ODR4: variants seen among roughly 807,000 people sequenced by gnomAD.
ODR4 encodes the protein odr-4 GPCR localization factor homolog.
In ODR4, 47 loss-of-function variants were observed where a neutral mutation model predicts 60.2. That is an observed-to-expected ratio of 0.78 (90% CI 0.62 to 1.00). The LOEUF is 1.00. ODR4 is among the 50% of genes least tolerant of loss of function. The pLI is 0.00. For synonymous variants in ODR4, 178 were observed against 175.5 expected (o/e 1.01, Z -0.11); for missense variants, 488 against 530.8 (o/e 0.92, Z 0.79).
At chr1:186,391,068 A>G (rs184044957) in intron 7 of ODR4, among the ~76,000 whole-genome samples, 1 of 152,320 alleles carries the variant, frequency 6.6e-6, no homozygotes, top group Non-Finnish European at 1.5e-5. Context: ...TTTAATAATA[A>G]CTAATAATTT....
intron 13 of ODR4, among the ~76,000 whole-genome samples, chr1:186,418,273 G>GTCA (rs1458969519): frequency 4.0e-5 from 6 of 149,554 alleles, no homozygotes; most frequent in Admixed American, 6.7e-5. Context: ...GACTACTATG[G>GTCA]TCATTTTCTT....
chr1:186,390,073 T>TGA (rs2102034188), intron 6 of ODR4, among the ~76,000 whole-genome samples: 1 of 152,338 alleles, frequency 6.6e-6, no homozygotes, highest in South Asian at 2.1e-4. Flanking sequence ...CCCAAAGTGC[T>TGA]GAGATTACGG....
intron 9 of ODR4, among the ~76,000 whole-genome samples, chr1:186,394,357 CAG>C (rs1380657781): frequency 6.6e-6 from 1 of 152,008 alleles, no homozygotes; most frequent in Admixed American, 6.6e-5. Context: ...GATGTGTACA[CAG>C]AGGTGCAAAG....
chr1:186,400,172 A>G (rs1339028556), intron 11 of ODR4, among the ~76,000 whole-genome samples: 2 of 150,454 alleles, frequency 1.3e-5, no homozygotes, highest in Non-Finnish European at 3.0e-5. Context: ...TTGTATTTTT[A>G]GTAGAGACGG....
chr1:186,398,470 A>G, intron 10 of ODR4, 29 bp downstream of exon 10: 2 of 1,566,734 alleles, frequency 1.3e-6, no homozygotes, highest in African/African-American at 1.4e-5. Context: ...AGCATATGGA[A>G]CCATGTTAAC....
At chr1:186,392,311 TTTA>T (rs1660499698) in intron 8 of ODR4, among the ~76,000 whole-genome samples, 1 of 152,188 alleles carries the variant, frequency 6.6e-6, no homozygotes, top group Non-Finnish European at 1.5e-5. Context: ...TATAAATTGT[TTTA>T]TTGTAAAGAC....
chr1:186,412,555 A>G (rs930130254), intron 12 of ODR4, among the ~76,000 whole-genome samples: 1 of 152,214 alleles, frequency 6.6e-6, no homozygotes, highest in Non-Finnish European at 1.5e-5. Flanking sequence ...ACACATTCCC[A>G]AATAATAGAA....
intron 12 of ODR4, among the ~76,000 whole-genome samples, chr1:186,408,056 G>T (rs1437803845): frequency 6.6e-6 from 1 of 152,000 alleles, no homozygotes; most frequent in Non-Finnish European, 1.5e-5. Flanking sequence ...TTATATATCT[G>T]CCAGGCACAG....
chr1:186,396,825 A>T (rs556942366), intron 9 of ODR4, among the ~76,000 whole-genome samples: 1 of 152,082 alleles, frequency 6.6e-6, no homozygotes, highest in Non-Finnish European at 1.5e-5. Flanking sequence ...TATGTTAAAA[A>T]TATATAAATT....
At chr1:186,430,535 A>G in the ODR4 span, among the ~76,000 whole-genome samples, 1 of 152,128 alleles carries the variant, frequency 6.6e-6, no homozygotes, top group Non-Finnish European at 1.5e-5. Flanking sequence ...CCCATGATTA[A>G]AATTCTGAAT....
At chr1:186,399,978 C>CTTT (rs1399196883) in intron 11 of ODR4, among the ~76,000 whole-genome samples, 5 of 128,518 alleles carry the variant, frequency 3.9e-5, no homozygotes, top group African/African-American at 8.5e-5. Flanking sequence ...TCTCCCCATT[C>CTTT]TTTTTTTTTT....
At chr1:186,384,653 A>G (rs1288664829) in intron 3 of ODR4, among the ~76,000 whole-genome samples, 1 of 151,952 alleles carries the variant, frequency 6.6e-6, no homozygotes, top group Non-Finnish European at 1.5e-5. Context: ...TTTTACCTCT[A>G]GAAAGAAAAG....
At position 186,398,390 on chromosome 1, in the gene ODR4, A is replaced by G. The variant is rs762703593; in HGVS notation, c.858A>G (p.Lys286=). The G allele has an allele frequency of 9.3e-5, 150 of 1,611,102 alleles. No homozygotes were observed. The highest frequency in any genetic ancestry group is 1.2e-4 in the Non-Finnish European group (140 of 1,178,390). Reference sequence around the variant, plus strand: ...CTGTAAACCTTAAGGGTGCTGTGAAATGCAGAGCTTATATCCACAGCAGTA... The same window carrying G: ...CTGTAAACCTTAAGGGTGCTGTGAAGTGCAGAGCTTATATCCACAGCAGTA... ...SGSVNLKGAV[K]CRAYIHSSKP... Residue 286 remains lysine (K), a synonymous_variant, in exon 10 of 14, where the codon AAA becomes AAG. Transcript: ENST00000287859.
chr1:186,377,141 T>C (rs1438482849), intron 1 of ODR4, among the ~76,000 whole-genome samples: 1 of 152,214 alleles, frequency 6.6e-6, no homozygotes, highest in African/African-American at 2.4e-5. Context: ...TTACTTATAA[T>C]ACCTAATACA....
At chr1:186,433,429 T>A in the ODR4 span, among the ~76,000 whole-genome samples, 1 of 152,242 alleles carries the variant, frequency 6.6e-6, no homozygotes, top group South Asian at 2.1e-4. Context: ...ATATTTGTAA[T>A]TAATTTCTAC....
rs1164956837 is a variant in ODR4 at position 186,388,522 on chromosome 1, A to C, written c.411A>C (p.Thr137=). The C allele has an allele frequency of 1.3e-6, 2 of 1,557,502 alleles. No homozygotes were observed. The highest frequency in any genetic ancestry group is 1.7e-6 in the Non-Finnish European group (2 of 1,150,544). The change falls in exon 5 of 14, where the codon ACA becomes ACC. Residue 137 remains threonine, a synonymous_variant. Transcript: ENST00000287859. ...AGGAGGAAGTCTCAGAACGAGTGAC[A>C]CTTCACATTTGTGCTTCTACAAAAA... ...FTEEEVSERV[T]LHICASTKKI...
intron 2 of ODR4, among the ~76,000 whole-genome samples, 195 bp from the exon 3 acceptor site, chr1:186,382,827 G>A (rs989173692): frequency 6.6e-6 from 1 of 152,208 alleles, no homozygotes; most frequent in East Asian, 1.9e-4. Context: ...CAACATGTGA[G>A]GGAAAGATTG....
At chr1:186,410,787 G>A (rs1049596077) in intron 12 of ODR4, among the ~76,000 whole-genome samples, 1 of 152,126 alleles carries the variant, frequency 6.6e-6, no homozygotes, top group Admixed American at 6.5e-5. Context: ...AGGCCAAGGC[G>A]GGTGGATCAC....
At chr1:186,385,247 A>G (rs542351366) in intron 3 of ODR4, among the ~76,000 whole-genome samples, 1 of 150,566 alleles carries the variant, frequency 6.6e-6, no homozygotes, top group Admixed American at 6.7e-5. Flanking sequence ...AGGTTAATCT[A>G]TGCAATAGAA....
Sources: allele counts gnomAD v4.1 joint callset (sites outside exome capture counted in the v4.1 genomes callset), GRCh38; gene constraint gnomAD v4.1.1; transcripts MANE v1.5; gene names NCBI Gene and HGNC (gene_info 2026-07-23, HGNC 2026-07-21).